The following ZNF804A variants were observed in gnomAD, a reference collection of about 807,000 sequenced individuals.
ZNF804A encodes zinc finger protein 804A.
A neutral mutation model predicts 16.5 loss-of-function variants in ZNF804A; 2 were observed. The ratio of observed to expected loss-of-function variants is 0.12; its 90% CI spans 0.05 to 0.38. The LOEUF (loss-of-function observed/expected upper bound fraction) is 0.38. Among genes scored for constraint, ZNF804A ranks in the 10% least tolerant of loss-of-function variants. ZNF804A has a pLI of 0.99. For synonymous variants in ZNF804A, 534 were observed against 489.6 expected, an observed-to-expected ratio of 1.09 and a Z score of -1.20; for missense variants, 1,473 against 1,390.7, an observed-to-expected ratio of 1.06 and a Z score of -0.94.
At chr2:184,738,057 C>T (rs189804042) in intron 1 of ZNF804A, among the ~76,000 whole-genome samples, 3,191 of 147,250 alleles carry the variant, frequency 0.022, 70 homozygotes, top group Admixed American at 0.073. Flanking sequence ...ACCTGGGAGG[C>T]GGAGGGTGCA....
At chr2:184,863,737 T>G (rs1695834262) in intron 1 of ZNF804A, among the ~76,000 whole-genome samples, 1 of 152,150 alleles carries the variant, frequency 6.6e-6, no homozygotes, top group Non-Finnish European at 1.5e-5. Context: ...ATTTCCTCTA[T>G]TGATTAGAAT....
Position 184,644,539 on chromosome 2 carries a change from T to A in ZNF804A, c.111+45469T>A, listed in dbSNP as rs577340024. On this transcript the variant is annotated intron_variant, in intron 1 of 3. Coordinates refer to ENST00000302277, the MANE Select transcript of ZNF804A (RefSeq NM_194250.2). ...GACAGTTAACTTCAAATTTTCTGTT[T>A]CTCAATTAAAAAAACCTGTATAGAC... Among the ~76,000 whole-genome samples, 76 of 152,012 alleles carry A rather than the reference T, an allele frequency of 5.0e-4. No individual in the cohort carries two copies. In the South Asian group the frequency reaches 0.016, roughly 31 times the overall value.
At chr2:184,688,187 G>A in intron 1 of ZNF804A, among the ~76,000 whole-genome samples, 1 of 151,804 alleles carries the variant, frequency 6.6e-6, no homozygotes, top group South Asian at 2.1e-4. Context: ...CTAAATCATA[G>A]CATAAATCAT....
chr2:184,923,720 C>T (rs1302052858), intron 2 of ZNF804A, among the ~76,000 whole-genome samples: 2 of 151,842 alleles, frequency 1.3e-5, no homozygotes, highest in Non-Finnish European at 3.0e-5. Context: ...TTGAGGTATG[C>T]TCCTTCTAAA....
intron 1 of ZNF804A, among the ~76,000 whole-genome samples, chr2:184,601,227 A>G (rs1691039427): frequency 6.6e-6 from 1 of 152,076 alleles, no homozygotes; most frequent in African/African-American, 2.4e-5. Context: ...GAGTATTATT[A>G]TGGAAAATGA....
intron 2 of ZNF804A, among the ~76,000 whole-genome samples, chr2:184,871,382 T>A (rs1423767937): frequency 6.9e-6 from 1 of 145,680 alleles, no homozygotes; most frequent in Non-Finnish European, 1.5e-5. Context: ...AAGCTGCACT[T>A]AGGTCTTGAC....
intron 1 of ZNF804A, among the ~76,000 whole-genome samples, chr2:184,657,084 T>C (rs1574149783): frequency 6.6e-6 from 1 of 152,336 alleles, no homozygotes; most frequent in Non-Finnish European, 1.5e-5. Context: ...TGTGCATTTG[T>C]GAGATAGAAT....
At chr2:184,811,048 A>G (rs969840214) in intron 1 of ZNF804A, among the ~76,000 whole-genome samples, 4 of 152,192 alleles carry the variant, frequency 2.6e-5, no homozygotes, top group African/African-American at 9.6e-5. Context: ...TTGGATGTAC[A>G]GATGCATTTC....
At chr2:184,821,505 TA>T (rs1345854719) in intron 1 of ZNF804A, among the ~76,000 whole-genome samples, 6 of 151,858 alleles carry the variant, frequency 4.0e-5, no homozygotes. Flanking sequence ...TAGGCATAGG[TA>T]AATATTTCAT....
chr2:184,688,534 T>G (rs925302683), intron 1 of ZNF804A, among the ~76,000 whole-genome samples: 11 of 152,120 alleles, frequency 7.2e-5, no homozygotes, highest in Admixed American at 7.2e-4. Context: ...AACTGAGAGA[T>G]AGGATTACTT....
At position 184,896,574 on chromosome 2, in the gene ZNF804A, A is replaced by G. The variant is rs562534969; in HGVS notation, c.255+30062A>G. On this transcript the variant is annotated intron_variant, in intron 2 of 3. Coordinates refer to ENST00000302277, the MANE Select transcript of ZNF804A (RefSeq NM_194250.2). The stretch of plus-strand genomic sequence containing the variant: ...CAGGAGGTCTGTCATTAGCATGTTT[A>G]TAATGAAATTTGACAGGATTGGCCT... Among the ~76,000 whole-genome samples, 11 of 152,300 alleles carry G rather than the reference A, an allele frequency of 7.2e-5. 1 individual carries two copies. In the South Asian group the frequency reaches 2.3e-3, roughly 32 times the overall value.
chr2:184,828,133 T>G (rs919774660), intron 1 of ZNF804A, among the ~76,000 whole-genome samples: 1 of 151,764 alleles, frequency 6.6e-6, no homozygotes, highest in Non-Finnish European at 1.5e-5. Context: ...GCATAAATAT[T>G]TTATACAATA....
intron 1 of ZNF804A, among the ~76,000 whole-genome samples, chr2:184,849,246 G>A (rs1033203812): frequency 2.0e-5 from 3 of 151,976 alleles, no homozygotes; most frequent in African/African-American, 2.4e-5. Context: ...AGTATGGAGC[G>A]GGATTTTGCA....
chr2:184,604,205 T>C (rs1234850657), intron 1 of ZNF804A, among the ~76,000 whole-genome samples: 1 of 135,608 alleles, frequency 7.4e-6, no homozygotes, highest in Non-Finnish European at 1.6e-5. Flanking sequence ...AGTCTGGCTC[T>C]TTTTGCCCAG....
intron 1 of ZNF804A, among the ~76,000 whole-genome samples, chr2:184,847,050 C>T (rs1435488614): frequency 6.6e-6 from 1 of 152,080 alleles, no homozygotes; most frequent in Non-Finnish European, 1.5e-5. Context: ...TACCTCTTTC[C>T]TTGAAACTAA....
intron 2 of ZNF804A, among the ~76,000 whole-genome samples, chr2:184,890,674 A>C (rs1185830922): frequency 2.0e-5 from 3 of 151,942 alleles, no homozygotes; most frequent in Non-Finnish European, 4.4e-5. Flanking sequence ...AATAATGATT[A>C]ATAGTAATCA....
At chr2:184,854,650 T>C (rs987548042) in intron 1 of ZNF804A, among the ~76,000 whole-genome samples, 8 of 151,998 alleles carry the variant, frequency 5.3e-5, no homozygotes, top group African/African-American at 1.9e-4. Context: ...AAGAGTATGA[T>C]GTTGGAATGA....
chr2:184,664,191 T>G (rs2105708271), intron 1 of ZNF804A, among the ~76,000 whole-genome samples: 1 of 152,284 alleles, frequency 6.6e-6, no homozygotes, highest in African/African-American at 2.4e-5. Flanking sequence ...TCAATACCAG[T>G]ATTTAGCTTT....
At chr2:184,925,373 A>G (rs1315426833) in intron 2 of ZNF804A, among the ~76,000 whole-genome samples, 1 of 151,748 alleles carries the variant, frequency 6.6e-6, no homozygotes, top group Non-Finnish European at 1.5e-5. Flanking sequence ...CTTGGTTTCC[A>G]TTGTCATGGG....
Sources: gnomAD v4.1 joint callset for allele counts (sites outside exome capture counted in the v4.1 genomes callset) on GRCh38, gnomAD v4.1.1 for gene constraint, MANE v1.5 for transcripts, NCBI Gene and HGNC (gene_info 2026-07-23, HGNC 2026-07-21) for gene names.